TRIOBP: variants seen among roughly 807,000 people sequenced by gnomAD.
The protein encoded by TRIOBP is TRIO and F-actin binding protein, also known as TRIO and F-actin-binding protein.
A neutral mutation model predicts 238.8 loss-of-function variants in TRIOBP; 169 were observed. That is an observed-to-expected ratio of 0.71 (90% CI 0.62 to 0.80). The LOEUF (loss-of-function observed/expected upper bound fraction) is 0.80, where lower values mean the gene tolerates loss of function less well. Among genes scored for constraint, TRIOBP ranks in the 30% least tolerant of loss-of-function variants. TRIOBP has a pLI of 0.00. For missense variants in TRIOBP, 2,838 were observed against 3,122.6 expected (o/e 0.91, Z 2.17); for synonymous variants, 1,150 against 1,274.4 (o/e 0.90, Z 2.08).
intron 17 of TRIOBP, chr22:37,759,942 A>T: frequency 4.1e-6 from 1 of 246,436 alleles, no homozygotes. Flanking sequence ...AAAATATATA[A>T]TTTTATTGTG....
intron 7 of TRIOBP, among the ~76,000 whole-genome samples, chr22:37,730,543 G>A (rs1181311266): frequency 1.3e-5 from 2 of 152,116 alleles, no homozygotes. Flanking sequence ...ACTGGGTCAC[G>A]TCTGGGCTCT....
chr22:37,753,452 T>C (rs1465544480), intron 12 of TRIOBP, among the ~76,000 whole-genome samples: 1 of 152,148 alleles, frequency 6.6e-6, no homozygotes, highest in Non-Finnish European at 1.5e-5. Context: ...TTTTTTTTTG[T>C]ATTTTTAGTA....
intron 5 of TRIOBP, among the ~76,000 whole-genome samples, chr22:37,714,457 TCAG>T (rs1254940473): frequency 1.3e-5 from 2 of 152,070 alleles, no homozygotes; most frequent in Non-Finnish European, 2.9e-5. Context: ...TCACCTGAAG[TCAG>T]GAGATCGAGA....
Position 37,735,150 on chromosome 22 carries a change from TGGCCAGGGCTTTAG to T in TRIOBP, c.4821_4834del (p.Leu1609GlyfsTer10). The T allele has an allele frequency of 6.2e-7, 1 of 1,610,152 alleles. No homozygotes were observed. The highest frequency in any genetic ancestry group is 8.5e-7 in the Non-Finnish European group (1 of 1,177,554). ...GACCCAGCTGGACACAGGGATGACCTGGCCAGGGCTTTAGGGCCAGAGCTGGGTCCCCCAGGCAC... is the reference window on the plus strand; with the variant it reads ...GACCCAGCTGGACACAGGGATGACCTGGCCAGAGCTGGGTCCCCCAGGCAC... On this transcript the variant is annotated frameshift_variant, in exon 9 of 24. Coordinates refer to ENST00000644935, the MANE Select transcript of TRIOBP (RefSeq NM_001039141.3). LOFTEE classifies it high-confidence loss of function.
intron 13 of TRIOBP, 51 bp from the exon 14 acceptor site, chr22:37,755,050 G>C: frequency 6.2e-7 from 1 of 1,610,338 alleles, no homozygotes; most frequent in South Asian, 1.1e-5. Flanking sequence ...GGTTCACTGG[G>C]GTGGGTCACA....
rs569981875 is a variant in TRIOBP at position 37,714,594 on chromosome 22, G to A, written c.457-1169G>A. On this transcript the variant is annotated intron_variant, in intron 5 of 23. Transcript: ENST00000644935. ...TGAGACAGGAGAATCGCTTGAACCCGGGAGGTTGCAGTGAGCTTAGATTGC... is the reference window on the plus strand; with the variant it reads ...TGAGACAGGAGAATCGCTTGAACCCAGGAGGTTGCAGTGAGCTTAGATTGC... Among the ~76,000 whole-genome samples the A allele has an allele frequency of 6.6e-4, 100 of 152,068 alleles. 1 individual carries two copies. Among genetic ancestry groups the A allele is most frequent in the Non-Finnish European group, 6.9e-4 (47 of 68,012 alleles).
rs1480483123 is a variant in TRIOBP, at chr22:37,724,651, T to A, written c.2095T>A (p.Ser699Thr). 1.9e-6 allele frequency: 3 copies of A among 1,608,452 alleles called. No individual in the cohort carries two copies. The highest frequency in any genetic ancestry group is 1.7e-5 in the Admixed American group (1 of 59,424). Residue 699 changes from serine to threonine, a missense_variant, in exon 7 of 24, where the codon TCC becomes ACC. By Grantham distance (58) the Ser-to-Thr change is moderately conservative. Around this residue, in one of 5 missense-constraint regions of TRIOBP, gnomAD observed 167 missense variants for 200.2 expected, o/e 0.83. Transcript: ENST00000644935. ...RTIQQENPRT[S>T]CAQRDDPRAS... Reference sequence around the variant, plus strand: ...CATCCAACAAGAGAACCCCAGAACATCCTGTGCCCAACGGGACGATCCCAG... The same window carrying A: ...CATCCAACAAGAGAACCCCAGAACAACCTGTGCCCAACGGGACGATCCCAG...
At chr22:37,716,504 A>G (rs1348213224) in intron 6 of TRIOBP, among the ~76,000 whole-genome samples, 1 of 152,062 alleles carries the variant, frequency 6.6e-6, no homozygotes, top group African/African-American at 2.4e-5. Flanking sequence ...CTCTTGGCTC[A>G]CTGCAACCTC....
chr22:37,769,010 G>A lies in TRIOBP; in HGVS notation c.6576-18G>A, dbSNP rs1569063541. ...AGCAAGACAACCTATGCTCTCCTCT[G>A]CTCCTCCTCTGGGGCAGGTCAGATG... On this transcript the variant is annotated intron_variant, in intron 19 of 23. Transcript: ENST00000644935. The A allele has an allele frequency of 6.2e-7, 1 of 1,613,100 alleles. No homozygotes were observed. Among genetic ancestry groups the A allele is most frequent in the East Asian group, 2.2e-5 (1 of 44,876 alleles).
chr22:37,751,278 G>T, intron 11 of TRIOBP: 1 of 345,904 alleles, frequency 2.9e-6, no homozygotes. Context: ...GCCTGTGACT[G>T]GCTCCACCTC....
rs1282395038 is a variant in TRIOBP at position 37,772,701 on chromosome 22, T to C, written c.7037T>C (p.Leu2346Pro). Residue 2346 changes from leucine to proline, a missense_variant, in exon 23 of 24, where the codon CTG becomes CCG. Leu to Pro is a moderately conservative substitution (Grantham distance 98, BLOSUM62 -3). Coordinates refer to ENST00000644935, the MANE Select transcript of TRIOBP (RefSeq NM_001039141.3). The part of the protein sequence containing the change: ...EREIEQLKEH[L>P]RLAMAALQEK... ...GAGATCGAGCAGCTGAAGGAGCACC[T>C]GCGTCTTGCCATGGCCGCCCTCCAG... 2 of 1,613,990 alleles carry C rather than the reference T, an allele frequency of 1.2e-6. No homozygotes were observed. Among genetic ancestry groups the C allele is most frequent in the African/African-American group, 2.7e-5 (2 of 74,928 alleles).
At position 37,725,137 on chromosome 22, in the gene TRIOBP, C is replaced by A; in HGVS notation, c.2581C>A (p.Arg861=). 1 of 1,614,142 alleles carries A rather than the reference C, an allele frequency of 6.2e-7. No individual in the cohort carries two copies. The highest frequency in any genetic ancestry group is 8.5e-7 in the Non-Finnish European group (1 of 1,180,010). ...CCGCACACAGTCCTTTTCCTTTCAA[C>A]GAGACAACCCTGGAACCTCCTCATC... ...RDRTQSFSFQ[R]DNPGTSSSQC... The change falls in exon 7 of 24, where the codon CGA becomes AGA. Residue 861 remains arginine, a synonymous_variant. Coordinates refer to ENST00000644935, the MANE Select transcript of TRIOBP (RefSeq NM_001039141.3).
chr22:37,713,978 G>A (rs1207263245), intron 5 of TRIOBP, among the ~76,000 whole-genome samples: 2 of 152,216 alleles, frequency 1.3e-5, no homozygotes, highest in Non-Finnish European at 2.9e-5. Flanking sequence ...GACAGGGGGT[G>A]GTGATAAGAC....
intron 7 of TRIOBP, among the ~76,000 whole-genome samples, chr22:37,727,105 C>T (rs950433329): frequency 1.3e-5 from 2 of 151,632 alleles, no homozygotes; most frequent in East Asian, 2.0e-4. Context: ...GACGGGGTTT[C>T]GCCATATTGG....
chr22:37,757,537 G>C (rs1925992966), intron 15 of TRIOBP, 76 bp from the exon 16 acceptor site: 1 of 1,529,158 alleles, frequency 6.5e-7, no homozygotes. Flanking sequence ...CTGGCACACA[G>C]GTGTCGCTCC....
chr22:37,738,560 T>C (rs1924791227), intron 9 of TRIOBP, 82 bp from the exon 10 acceptor site: 4 of 1,347,656 alleles, frequency 3.0e-6, no homozygotes, highest in African/African-American at 1.4e-5. Context: ...GGACAGATGA[T>C]AGAATGGATG....
intron 7 of TRIOBP, among the ~76,000 whole-genome samples, chr22:37,726,955 G>A (rs112009048): frequency 6.1e-4 from 91 of 150,312 alleles, no homozygotes; most frequent in South Asian, 4.0e-3. Context: ...TGCCCAGGCC[G>A]GAGCGCAATG....
rs928316575 is a variant in TRIOBP, at chr22:37,745,206, T to C, written c.5322+4174T>C. Reference sequence around the variant, plus strand: ...ACCCCAAATCAAGATGACAGAATAATTGAAATGCCAATTATTCCAAGCTTC... The same window carrying C: ...ACCCCAAATCAAGATGACAGAATAACTGAAATGCCAATTATTCCAAGCTTC... On this transcript the variant is annotated intron_variant, in intron 11 of 23. Transcript: ENST00000644935. Among the ~76,000 whole-genome samples the C allele has an allele frequency of 9.9e-5, 15 of 152,162 alleles. No homozygotes were observed. In the East Asian group the frequency reaches 1.9e-3, roughly 20 times the overall value.
rs1239413867 is a variant in TRIOBP, at chr22:37,697,051, C to G, written c.-208C>G. 6.6e-6 allele frequency: 1 copy of G among 152,168 alleles called. No homozygotes were observed. The highest frequency in any genetic ancestry group is 1.5e-5 in the Non-Finnish European group (1 of 68,066). 9.4% of individuals were successfully genotyped at this position (152,168 alleles called of 1,614,324 possible). A position where few individuals can be genotyped will look rare whatever the true frequency, so the allele number is the denominator to read the frequency against. On this transcript the variant is annotated 5_prime_UTR_variant, in exon 1 of 24. Transcript: ENST00000644935. ...ATAAAGAGGCCATGACCCTGGCACTCCCACCCCGGCAGCCCCTGTGCGTGG... is the reference window on the plus strand; with the variant it reads ...ATAAAGAGGCCATGACCCTGGCACTGCCACCCCGGCAGCCCCTGTGCGTGG...
Sources: allele counts gnomAD v4.1 joint callset (sites outside exome capture counted in the v4.1 genomes callset), GRCh38; gene constraint gnomAD v4.1.1; regional missense constraint gnomAD v4.1.1; transcripts MANE v1.5; gene names NCBI Gene and HGNC (gene_info 2026-07-23, HGNC 2026-07-21).